ELAPOR1: variants seen among roughly 807,000 people sequenced by gnomAD.
ELAPOR1 encodes the protein endosome/lysosome-associated apoptosis and autophagy regulator 1.
A neutral mutation model predicts 119.7 loss-of-function variants in ELAPOR1; 77 were observed. That is an observed-to-expected ratio of 0.64 (90% CI 0.54 to 0.78). The LOEUF (loss-of-function observed/expected upper bound fraction) is 0.78. ELAPOR1 is among the 30% of genes least tolerant of loss of function. ELAPOR1 has a pLI of 0.00. For missense variants in ELAPOR1, 1,115 were observed against 1,270.4 expected, an observed-to-expected ratio of 0.88 and a Z score of 1.86; for synonymous variants, 481 against 487.2, an observed-to-expected ratio of 0.99 and a Z score of 0.17.
At chr1:109,130,871 C>T (rs374138543) in intron 1 of ELAPOR1, among the ~76,000 whole-genome samples, 6 of 152,168 alleles carry the variant, frequency 3.9e-5, no homozygotes, top group South Asian at 2.1e-4. Context: ...GACATGGTGA[C>T]GTAAATCTGT....
chr1:109,162,424 G>T (rs1208040222), intron 2 of ELAPOR1, among the ~76,000 whole-genome samples: 1 of 152,188 alleles, frequency 6.6e-6, no homozygotes, highest in African/African-American at 2.4e-5. Context: ...AGTCAGAGAG[G>T]CTAAGTTTCT....
chr1:109,174,107 G>A (rs1652096395), intron 7 of ELAPOR1, among the ~76,000 whole-genome samples: 1 of 148,896 alleles, frequency 6.7e-6, no homozygotes, highest in Non-Finnish European at 1.5e-5. Context: ...CAAACTCCCT[G>A]TCCCAAGCAA....
At chr1:109,183,865 G>T (rs1652893682) in intron 7 of ELAPOR1, among the ~76,000 whole-genome samples, 1 of 151,978 alleles carries the variant, frequency 6.6e-6, no homozygotes, top group South Asian at 2.1e-4. Context: ...ATCCTAAAGT[G>T]CTGGGATTAC....
chr1:109,123,165 G>A (rs1056519634), intron 1 of ELAPOR1, among the ~76,000 whole-genome samples: 6 of 152,164 alleles, frequency 3.9e-5, no homozygotes, highest in Non-Finnish European at 8.8e-5. Flanking sequence ...ACATTGACAG[G>A]CTGTTGGGAG....
intron 21 of ELAPOR1, among the ~76,000 whole-genome samples, chr1:109,202,394 A>T (rs757199132): frequency 1.3e-5 from 2 of 149,414 alleles, no homozygotes; most frequent in Non-Finnish European, 3.0e-5. Flanking sequence ...TGCTGGGATC[A>T]CAGGTGTGAG....
chr1:109,197,629 T>G lies in ELAPOR1; in HGVS notation c.2277T>G (p.Pro759=). ...ACAAGGCCGGGGTTTCCTCACAGCC[T>G]GTCAGCCTTGCTGATCGACTTATTG... is the stretch of plus-strand genomic sequence containing the variant. The part of the protein sequence containing the change: ...TGYKAGVSSQ[P]VSLADRLIGV... Residue 759 remains proline (P), a synonymous_variant, in exon 16 of 22, where the codon CCT becomes CCG. Transcript: ENST00000369939. 1 of 1,614,146 alleles carries G rather than the reference T, an allele frequency of 6.2e-7. No homozygotes were observed.
intron 7 of ELAPOR1, among the ~76,000 whole-genome samples, chr1:109,176,673 C>T (rs1292895109): frequency 1.4e-5 from 2 of 143,462 alleles, no homozygotes; most frequent in East Asian, 2.0e-4. Flanking sequence ...GGCAGGGTCA[C>T]AGGACAATAG....
At chr1:109,133,962 G>A (rs1310668184) in intron 1 of ELAPOR1, among the ~76,000 whole-genome samples, 4 of 152,190 alleles carry the variant, frequency 2.6e-5, no homozygotes, top group Non-Finnish European at 4.4e-5. Flanking sequence ...AAAGTGTGAG[G>A]TGCTAATGTG....
intron 1 of ELAPOR1, among the ~76,000 whole-genome samples, chr1:109,155,104 T>G (rs947046696): frequency 2.6e-5 from 4 of 152,200 alleles, no homozygotes; most frequent in African/African-American, 7.2e-5. Flanking sequence ...TAAACACCAC[T>G]GCTTCACCAG....
intron 8 of ELAPOR1, chr1:109,187,207 T>C: frequency 1.0e-6 from 1 of 985,444 alleles, no homozygotes. Flanking sequence ...GGTCAGTGAA[T>C]GTGCTGCTCC....
chr1:109,135,447 A>T lies in ELAPOR1; in HGVS notation c.153+21111A>T, dbSNP rs140873863. Among the ~76,000 whole-genome samples the T allele has an allele frequency of 3.4e-3, 511 of 152,102 alleles. 3 individuals are homozygous for T. The highest frequency in any genetic ancestry group is 0.012 in the African/African-American group (488 of 41,496). ...TTAGTAGAAACGGTTTCACCACATG[A>T]CCAGGCTGGCTGGTCTCCAACTCCT... On this transcript the variant is annotated intron_variant, in intron 1 of 21. Coordinates refer to ENST00000369939, the MANE Select transcript of ELAPOR1 (RefSeq NM_020775.5).
chr1:109,200,121 G>C lies in ELAPOR1; in HGVS notation c.2691G>C (p.Gln897His), dbSNP rs1199421974. 2.5e-6 allele frequency: 4 copies of C among 1,614,124 alleles called. No homozygotes were observed. ...CTGGTGGCATTTCTCTGCCTGAGCA[G>C]AGAGTCACCATCTGCAAAACCATAG... ...LCSGGISLPE[Q>H]RVTICKTIDF... Residue 897 changes from glutamine to histidine, a missense_variant, in exon 20 of 22, where the codon CAG (glutamine) becomes CAC (histidine). By Grantham distance (24) the Gln-to-His change is conservative. Transcript: ENST00000369939.
At chr1:109,173,425 G>C in intron 5 of ELAPOR1, 49 bp from the exon 6 acceptor site, 1 of 1,500,458 alleles carries the variant, frequency 6.7e-7, no homozygotes, top group East Asian at 2.3e-5. Context: ...CAACAGATTA[G>C]CGAGATTTTT....
At chr1:109,116,940 C>A (rs905317887) in intron 1 of ELAPOR1, among the ~76,000 whole-genome samples, 5 of 152,204 alleles carry the variant, frequency 3.3e-5, no homozygotes, top group Non-Finnish European at 7.3e-5. Flanking sequence ...ATCCACCCGC[C>A]TTGGCCTCCC....
chr1:109,190,140 GCA>G (rs144431690), intron 11 of ELAPOR1, among the ~76,000 whole-genome samples: 1 of 150,858 alleles, frequency 6.6e-6, no homozygotes, highest in African/African-American at 2.4e-5. Context: ...AAACAAACAC[GCA>G]CACACACACA....
In ELAPOR1 at chr1:109,189,098, G is replaced by C. The variant is rs1192744128; in HGVS notation, c.1252G>C (p.Ala418Pro). 6.2e-7 allele frequency: 1 copy of C among 1,613,958 alleles called. No homozygotes were observed. Among genetic ancestry groups the C allele is most frequent in the Admixed American group, 1.7e-5 (1 of 60,008 alleles). The change falls in exon 10 of 22, where the codon GCT (alanine) becomes CCT (proline). Residue 418 changes from alanine to proline, a missense_variant. Physicochemically the swap from Ala to Pro is conservative, Grantham distance 27. Transcript: ENST00000369939. ...CTRCPAGTEP[A>P]VGFEYKWWNT... ...CCGCTGCCCTGCAGGGACTGAACCT[G>C]CTGTGGGATTTGAATACAAATGGTG...
intron 1 of ELAPOR1, among the ~76,000 whole-genome samples, chr1:109,155,890 T>A (rs1483464004): frequency 2.6e-5 from 4 of 152,186 alleles, no homozygotes; most frequent in Admixed American, 6.5e-5. Context: ...CACTTGTAAT[T>A]CCAGCACTTT....
intron 14 of ELAPOR1, among the ~76,000 whole-genome samples, chr1:109,193,629 A>T (rs1220934289): frequency 6.6e-6 from 1 of 152,260 alleles, no homozygotes; most frequent in Non-Finnish European, 1.5e-5. Context: ...AGTACTTATG[A>T]CTAAAAGCTT....
chr1:109,196,711 TCTCA>T (rs1017749692), intron 15 of ELAPOR1, among the ~76,000 whole-genome samples: 3 of 149,066 alleles, frequency 2.0e-5, no homozygotes, highest in Non-Finnish European at 4.5e-5. Context: ...TGAGGTGGAG[TCTCA>T]CTCTTTTGCC....
Sources: gnomAD v4.1 joint callset for allele counts (sites outside exome capture counted in the v4.1 genomes callset) on GRCh38, gnomAD v4.1.1 for gene constraint, MANE v1.5 for transcripts, NCBI Gene and HGNC (gene_info 2026-07-23, HGNC 2026-07-21) for gene names.